The following DOCK1 variants were observed in gnomAD, a reference collection of about 807,000 sequenced individuals.
DOCK1 encodes the protein dedicator of cytokinesis protein 1.
A neutral mutation model predicts 262.7 loss-of-function variants in DOCK1; 138 were observed. The ratio of observed to expected loss-of-function variants is 0.53; its 90% CI spans 0.46 to 0.61. The LOEUF is 0.61. Among genes scored for constraint, DOCK1 ranks in the 20% least tolerant of loss-of-function variants. The pLI is 0.00. For missense variants in DOCK1, 1,908 were observed against 2,370.7 expected (o/e 0.80, Z 4.05); for synonymous variants, 866 against 867.4 (o/e 1.00, Z 0.03).
At position 126,995,108 on chromosome 10, in the gene DOCK1, A is replaced by G. The variant is rs2040082655; in HGVS notation, c.474-1640A>G. Among the ~76,000 whole-genome samples the G allele has an allele frequency of 6.8e-6, 1 of 147,990 alleles. No individual in the cohort carries two copies. The highest frequency in any genetic ancestry group is 1.5e-5 in the Non-Finnish European group (1 of 67,298). ...GGGCGGCAGGGCAGAGGCGCTCCCC[A>G]GATCCCAGACGATGGGCGGCCGGGC... On this transcript the variant is annotated intron_variant, in intron 6 of 51. Coordinates refer to ENST00000623213, the MANE Select transcript of DOCK1 (RefSeq NM_001290223.2). This position sits in a 1 kb window ranked among gnomAD's most constrained non-coding sequence, Gnocchi z 5.8.
chr10:127,292,517 T>C (rs1181466446), intron 29 of DOCK1, among the ~76,000 whole-genome samples: 1 of 152,044 alleles, frequency 6.6e-6, no homozygotes, highest in African/African-American at 2.4e-5. Flanking sequence ...GTAGCATGCC[T>C]AGGAGAGGAG....
At chr10:127,408,745 T>C (rs1032071422) in intron 40 of DOCK1, among the ~76,000 whole-genome samples, 1 of 152,336 alleles carries the variant, frequency 6.6e-6, no homozygotes, top group Admixed American at 6.5e-5. Flanking sequence ...ATTTGGTTTT[T>C]CATATAGTTT....
intron 29 of DOCK1, among the ~76,000 whole-genome samples, chr10:127,330,598 A>G (rs181241019): frequency 6.6e-6 from 1 of 152,268 alleles, no homozygotes; most frequent in East Asian, 1.9e-4. Flanking sequence ...TCAACTGAAG[A>G]ATCATAAGGT....
intron 23 of DOCK1, among the ~76,000 whole-genome samples, chr10:127,073,490 G>A (rs2046346486): frequency 6.6e-6 from 1 of 152,236 alleles, no homozygotes; most frequent in African/African-American, 2.4e-5. Flanking sequence ...TAGTTTGGGA[G>A]TCCAAGTGTT....
At chr10:126,969,026 A>G (rs2037890116) in intron 1 of DOCK1, among the ~76,000 whole-genome samples, 1 of 152,178 alleles carries the variant, frequency 6.6e-6, no homozygotes, top group Admixed American at 6.5e-5. Flanking sequence ...TTGGCTTTCT[A>G]AAAAGAATTC....
chr10:127,402,154 C>G lies in DOCK1; in HGVS notation c.3928-901C>G, dbSNP rs145242034. Among the ~76,000 whole-genome samples the G allele has an allele frequency of 6.2e-3, 947 of 152,242 alleles. 17 individuals carry two copies. The highest frequency in any genetic ancestry group is 0.021 in the African/African-American group (883 of 41,540). ...TTTTACAGGTTGATAAAGCTGAGCC[C>G]CTGTCCTCAAGGGCTTATATTCTCT... On this transcript the variant is annotated intron_variant, in intron 38 of 51. Transcript: ENST00000623213.
chr10:127,032,832 C>G (rs1180234567), intron 18 of DOCK1, among the ~76,000 whole-genome samples: 1 of 152,216 alleles, frequency 6.6e-6, no homozygotes, highest in South Asian at 2.1e-4. Flanking sequence ...GCTGGGATTA[C>G]AGGCACGAGC....
At chr10:127,185,094 A>G (rs945458235) in intron 27 of DOCK1, among the ~76,000 whole-genome samples, 1 of 152,190 alleles carries the variant, frequency 6.6e-6, no homozygotes, top group Admixed American at 6.5e-5. Flanking sequence ...GAGATGTGCA[A>G]GAGCAGGCCT....
chr10:127,247,814 C>T (rs2059482163), intron 27 of DOCK1, among the ~76,000 whole-genome samples, 194 bp from the exon 28 acceptor site: 1 of 152,150 alleles, frequency 6.6e-6, no homozygotes, highest in South Asian at 2.1e-4. Flanking sequence ...TACCAAAAAA[C>T]ATTCCTGAGG....
At chr10:126,935,664 A>T (rs940969783) in intron 1 of DOCK1, among the ~76,000 whole-genome samples, 1 of 152,026 alleles carries the variant, frequency 6.6e-6, no homozygotes, top group East Asian at 1.9e-4. Context: ...ACTTCTCTCT[A>T]TCCCTTGGAT....
At chr10:127,449,498 G>A (rs2070815592) in intron 51 of DOCK1, among the ~76,000 whole-genome samples, 1 of 152,184 alleles carries the variant, frequency 6.6e-6, no homozygotes, top group African/African-American at 2.4e-5. Context: ...GATTAAGTAA[G>A]GGATAACATG....
At chr10:127,294,298 C>T (rs1420318931) in intron 29 of DOCK1, among the ~76,000 whole-genome samples, 2 of 151,974 alleles carry the variant, frequency 1.3e-5, no homozygotes, top group Admixed American at 6.6e-5. Flanking sequence ...TTTTTGTTGT[C>T]GTTTTTTGTT....
chr10:127,247,290 C>A (rs1362117850), intron 27 of DOCK1, among the ~76,000 whole-genome samples: 1 of 152,100 alleles, frequency 6.6e-6, no homozygotes. Context: ...TCCGTCTGGT[C>A]TGAGAAACTC....
At chr10:127,199,408 A>T (rs1180223981) in intron 27 of DOCK1, among the ~76,000 whole-genome samples, 1 of 152,202 alleles carries the variant, frequency 6.6e-6, no homozygotes, top group Non-Finnish European at 1.5e-5. Context: ...GAATGTTCAT[A>T]ACAGGTTTAT....
At chr10:127,081,359 T>C (rs1431602571) in intron 23 of DOCK1, among the ~76,000 whole-genome samples, 1 of 145,840 alleles carries the variant, frequency 6.9e-6, no homozygotes, top group Non-Finnish European at 1.5e-5. Context: ...TTGTGGACCC[T>C]GTATGTGGGG....
At position 127,392,146 on chromosome 10, in the gene DOCK1, C is replaced by T. The variant is rs148580660; in HGVS notation, c.3927+7237C>T. 3.0e-4 allele frequency among the ~76,000 whole-genome samples: 46 copies of T among 152,032 alleles called. No homozygotes were observed. In the East Asian group the frequency reaches 8.5e-3, roughly 28 times the overall value. On this transcript the variant is annotated intron_variant, in intron 38 of 51. Transcript: ENST00000623213. ...TCTCGTGTGACGGCTGCCATGACAG[C>T]TGCCTTCCTGCCTTCTGGGCATATT...
rs1384264064 is a variant in DOCK1 at position 126,932,828 on chromosome 10, T to C, written c.46+27265T>C. Among the ~76,000 whole-genome samples, 2 of 152,076 alleles carry C rather than the reference T, an allele frequency of 1.3e-5. 1 individual carries two copies. The highest frequency in any genetic ancestry group is 2.9e-5 in the Non-Finnish European group (2 of 68,012). Reference sequence around the variant, plus strand: ...CATTTGGTTCAATTACTGCCAGACTTGGGGGAACTTTCCCTCACCGCAGGT... The same window carrying C: ...CATTTGGTTCAATTACTGCCAGACTCGGGGGAACTTTCCCTCACCGCAGGT... On this transcript the variant is annotated intron_variant, in intron 1 of 51. Coordinates refer to ENST00000623213, the MANE Select transcript of DOCK1 (RefSeq NM_001290223.2).
intron 22 of DOCK1, among the ~76,000 whole-genome samples, chr10:127,058,179 T>A (rs2045292751): frequency 6.6e-6 from 1 of 152,132 alleles, no homozygotes; most frequent in Admixed American, 6.5e-5. Flanking sequence ...TTTACATTTT[T>A]ACTCATGAGA....
chr10:127,024,875 G>A (rs1015325857), intron 15 of DOCK1, 92 bp downstream of exon 15: 10 of 1,140,052 alleles, frequency 8.8e-6, no homozygotes, highest in South Asian at 5.3e-5. Flanking sequence ...TCCTCAGCCC[G>A]GGAGCTGCTC....
Sources: gnomAD v4.1 joint callset for allele counts (sites outside exome capture counted in the v4.1 genomes callset) on GRCh38, gnomAD v4.1.1 for gene constraint, Gnocchi (gnomAD v3.1) non-coding constraint, MANE v1.5 for transcripts, NCBI Gene and HGNC (gene_info 2026-07-23, HGNC 2026-07-21) for gene names.